The following PITPNC1 variants were observed in gnomAD, a reference collection of about 807,000 sequenced individuals.
PITPNC1 encodes cytoplasmic phosphatidylinositol transfer protein 1.
PITPNC1 carries 18 observed loss-of-function variants against 44.7 expected under a neutral mutation model. The observed-to-expected ratio is 0.40, with a 90% CI of 0.28 to 0.60. The LOEUF (loss-of-function observed/expected upper bound fraction) is 0.60, where lower values mean the gene tolerates loss of function less well. PITPNC1 is among the 20% of genes least tolerant of loss of function. The pLI is 0.39. For missense variants in PITPNC1, 290 were observed against 418.4 expected (o/e 0.69, Z 2.68); for synonymous variants, 141 against 149.6 (o/e 0.94, Z 0.42).
intron 1 of PITPNC1, among the ~76,000 whole-genome samples, chr17:67,511,454 C>T (rs1450080897): frequency 6.6e-6 from 1 of 152,172 alleles, no homozygotes; most frequent in Admixed American, 6.5e-5. Context: ...CCATTTTGTT[C>T]TTCCACCACA....
chr17:67,682,127 G>A (rs1366622848), intron 8 of PITPNC1, among the ~76,000 whole-genome samples: 1 of 152,076 alleles, frequency 6.6e-6, no homozygotes, highest in Non-Finnish European at 1.5e-5. Context: ...CTTGAACCTG[G>A]GAGGCAGAGG....
chr17:67,431,572 C>T (rs952097763), intron 1 of PITPNC1, among the ~76,000 whole-genome samples: 1 of 152,246 alleles, frequency 6.6e-6, no homozygotes, highest in Non-Finnish European at 1.5e-5. Flanking sequence ...AGGGTTTGGA[C>T]GTTGAGTGGA....
intron 8 of PITPNC1, among the ~76,000 whole-genome samples, chr17:67,681,053 T>G (rs1448907793): frequency 6.6e-6 from 1 of 152,232 alleles, no homozygotes; most frequent in African/African-American, 2.4e-5. Flanking sequence ...CTGCTGCAAC[T>G]GTGTGGTACA....
At chr17:67,471,212 TAAAAAAAAAATGTA>T (rs1172837598) in intron 1 of PITPNC1, among the ~76,000 whole-genome samples, 112 of 94,220 alleles carry the variant, frequency 1.2e-3, no homozygotes, top group Middle Eastern at 7.4e-3. Flanking sequence ...AAAAATAAAT[TAAAAAAAAAATGTA>T]AAAAAAAAAA....
chr17:67,674,779 C>T (rs1484414528), intron 7 of PITPNC1, among the ~76,000 whole-genome samples: 3 of 151,756 alleles, frequency 2.0e-5, no homozygotes, highest in African/African-American at 4.8e-5. Context: ...TTTGGGAGGT[C>T]GAGGTGGGTG....
intron 1 of PITPNC1, among the ~76,000 whole-genome samples, chr17:67,448,250 T>C (rs1247285800): frequency 2.0e-5 from 3 of 152,004 alleles, no homozygotes; most frequent in Non-Finnish European, 4.4e-5. Context: ...CCCGGCTGCA[T>C]GACTTTTCTA....
Position 67,692,948 on chromosome 17 carries a change from A to C in PITPNC1, c.*60A>C. 4 of 1,092,176 alleles carry C rather than the reference A, an allele frequency of 3.7e-6. No individual in the cohort carries two copies. Among genetic ancestry groups the C allele is most frequent in the Non-Finnish European group, 5.4e-6 (4 of 743,036 alleles). The allele number at this position is 1,092,176 out of a possible 1,614,324, so 67.7% of individuals were successfully genotyped here. A position where few individuals can be genotyped will look rare whatever the true frequency, so the allele number is the denominator to read the frequency against. On this transcript the variant is annotated 3_prime_UTR_variant, in exon 9 of 9. Transcript: ENST00000581322. ...CATTTGTTGTTGTTGTTTTTTTTTA[A>C]GAATCTTCTGATAGAGAAAAAGACT...
In PITPNC1 at chr17:67,447,731, G is replaced by A. The variant is rs577591298; in HGVS notation, c.48+69529G>A. ...TGCTTGGAGTCAGCAGAGGTCTTAC[G>A]CGACAGTCCTTGGAATGGTGGAAGC... On this transcript the variant is annotated intron_variant, in intron 1 of 8. Coordinates refer to ENST00000581322, the MANE Select transcript of PITPNC1 (RefSeq NM_012417.4). 7.9e-5 allele frequency among the ~76,000 whole-genome samples: 12 copies of A among 152,068 alleles called. 1 individual carries two copies. The South Asian group carries it at 1.9e-3, about 24-fold the overall frequency.
intron 5 of PITPNC1, among the ~76,000 whole-genome samples, chr17:67,622,272 AAG>A (rs2041841507): frequency 6.6e-6 from 1 of 150,836 alleles, no homozygotes; most frequent in Admixed American, 6.6e-5. Flanking sequence ...AAAAAAAAAA[AAG>A]AAAAGATAGT....
intron 1 of PITPNC1, among the ~76,000 whole-genome samples, chr17:67,390,723 A>G (rs1336104989): frequency 2.6e-5 from 4 of 152,164 alleles, no homozygotes. Context: ...CAGGTGGCGT[A>G]TTGCTAGAGG....
At chr17:67,586,034 G>C (rs560461525) in intron 5 of PITPNC1, among the ~76,000 whole-genome samples, 1 of 152,250 alleles carries the variant, frequency 6.6e-6, no homozygotes, top group African/African-American at 2.4e-5. Context: ...GGGAGCAAAG[G>C]CCCTGGACCC....
At chr17:67,632,706 T>A (rs1265293275) in intron 6 of PITPNC1, among the ~76,000 whole-genome samples, 3 of 151,894 alleles carry the variant, frequency 2.0e-5, no homozygotes, top group African/African-American at 7.3e-5. Context: ...TATGTGGGAT[T>A]ACAGGCGCCC....
At chr17:67,476,861 G>A (rs2039637489) in intron 1 of PITPNC1, among the ~76,000 whole-genome samples, 1 of 152,074 alleles carries the variant, frequency 6.6e-6, no homozygotes, top group Non-Finnish European at 1.5e-5. Context: ...GGGTTGAAGC[G>A]CTTCTCCTCC....
intron 6 of PITPNC1, among the ~76,000 whole-genome samples, chr17:67,634,226 G>T (rs1224122175): frequency 6.6e-6 from 1 of 152,138 alleles, no homozygotes; most frequent in Non-Finnish European, 1.5e-5. Flanking sequence ...AAAGAGTCCA[G>T]TAATTATTCA....
chr17:67,497,407 C>T (rs2144060434), intron 1 of PITPNC1, among the ~76,000 whole-genome samples: 1 of 150,688 alleles, frequency 6.6e-6, no homozygotes, highest in South Asian at 2.1e-4. Context: ...TTCTTTGGAG[C>T]AGTAGCTCAT....
At chr17:67,595,816 T>C (rs890552236) in intron 5 of PITPNC1, among the ~76,000 whole-genome samples, 2 of 152,246 alleles carry the variant, frequency 1.3e-5, no homozygotes, top group Non-Finnish European at 2.9e-5. Flanking sequence ...AAATATAAAC[T>C]TCATGGAGCT....
intron 1 of PITPNC1, among the ~76,000 whole-genome samples, chr17:67,464,817 G>A (rs1407773829): frequency 1.3e-5 from 2 of 151,166 alleles, no homozygotes; most frequent in South Asian, 2.1e-4. Context: ...TCCTCTCACC[G>A]CAATGTCTGC....
chr17:67,407,832 T>C (rs772688907), intron 1 of PITPNC1, among the ~76,000 whole-genome samples: 3 of 151,900 alleles, frequency 2.0e-5, no homozygotes, highest in Non-Finnish European at 4.4e-5. Flanking sequence ...CTAAAATAAA[T>C]TATTTTTTTA....
At chr17:67,433,662 G>T (rs2038891601) in intron 1 of PITPNC1, among the ~76,000 whole-genome samples, 1 of 152,122 alleles carries the variant, frequency 6.6e-6, no homozygotes, top group East Asian at 1.9e-4. Context: ...AGTGAGCTAT[G>T]ATTGTGCCAC....
Sources: allele counts gnomAD v4.1 joint callset (sites outside exome capture counted in the v4.1 genomes callset), GRCh38; gene constraint gnomAD v4.1.1; transcripts MANE v1.5; gene names NCBI Gene and HGNC (gene_info 2026-07-23, HGNC 2026-07-21).